The following MNAT1 variants were observed in gnomAD, a reference collection of about 807,000 sequenced individuals.
The protein encoded by MNAT1 is MNAT1 component of CDK activating kinase.
In MNAT1, 43 loss-of-function variants were observed where a neutral mutation model predicts 42.0. The ratio of observed to expected loss-of-function variants is 1.02; its 90% CI spans 0.80 to 1.32. MNAT1 has a LOEUF of 1.32. Ranked by LOEUF, MNAT1 falls within the 40% of genes most tolerant of loss-of-function variation. The pLI is 0.00. For synonymous variants in MNAT1, 118 were observed against 120.0 expected (o/e 0.98, Z 0.11); for missense variants, 306 against 350.4 (o/e 0.87, Z 1.01).
At chr14:60,741,106 T>G (rs1216115781) in intron 1 of MNAT1, among the ~76,000 whole-genome samples, 2 of 152,224 alleles carry the variant, frequency 1.3e-5, no homozygotes, top group Non-Finnish European at 2.9e-5. Flanking sequence ...AATGGCCCTC[T>G]TTGTCTCTTG....
At chr14:60,925,089 A>T (rs1196639028) in intron 7 of MNAT1, among the ~76,000 whole-genome samples, 1 of 152,170 alleles carries the variant, frequency 6.6e-6, no homozygotes, top group African/African-American at 2.4e-5. Flanking sequence ...ATTTGGGGAG[A>T]AAAACAATAG....
chr14:60,770,511 A>G (rs2031010657), intron 1 of MNAT1, among the ~76,000 whole-genome samples: 1 of 152,178 alleles, frequency 6.6e-6, no homozygotes, highest in African/African-American at 2.4e-5. Context: ...GTTTTCCATA[A>G]TGATTGCACC....
At chr14:60,806,007 A>G (rs1432374203) in intron 3 of MNAT1, among the ~76,000 whole-genome samples, 2 of 152,344 alleles carry the variant, frequency 1.3e-5, no homozygotes, top group East Asian at 3.9e-4. Flanking sequence ...AAGGAATGAG[A>G]GTCCCTGTTG....
At chr14:60,782,413 A>AT (rs545191084) in intron 1 of MNAT1, among the ~76,000 whole-genome samples, 34 of 151,746 alleles carry the variant, frequency 2.2e-4, no homozygotes, top group African/African-American at 7.5e-4. Flanking sequence ...TGATACCTTT[A>AT]TTTTTTTTGT....
chr14:60,759,556 C>T (rs1422728425), intron 1 of MNAT1, among the ~76,000 whole-genome samples: 16 of 152,130 alleles, frequency 1.1e-4, no homozygotes, highest in Non-Finnish European at 7.4e-5. Context: ...TGATGAGTAG[C>T]CATCATTAAC....
At chr14:60,818,377 C>T (rs1035137743) in intron 5 of MNAT1, among the ~76,000 whole-genome samples, 6 of 151,940 alleles carry the variant, frequency 3.9e-5, no homozygotes, top group East Asian at 1.9e-4. Context: ...AAAAAGAATG[C>T]GTCTTAGATA....
intron 4 of MNAT1, 67 bp from the exon 5 acceptor site, chr14:60,811,920 G>C (rs2032556912): frequency 1.6e-5 from 19 of 1,200,854 alleles, no homozygotes; most frequent in Non-Finnish European, 2.2e-5. Flanking sequence ...GAAAGTATTA[G>C]AGTGTGGTAT....
At chr14:60,828,134 G>T (rs1259938139) in intron 6 of MNAT1, among the ~76,000 whole-genome samples, 1 of 152,028 alleles carries the variant, frequency 6.6e-6, no homozygotes, top group African/African-American at 2.4e-5. Flanking sequence ...TATATTATTA[G>T]AAGTTTGAAT....
chr14:60,740,848 A>G lies in MNAT1; in HGVS notation c.89+5897A>G, dbSNP rs1451095532. Among the ~76,000 whole-genome samples the G allele has an allele frequency of 6.6e-6, 1 of 152,192 alleles. No individual in the cohort carries two copies. Among genetic ancestry groups the G allele is most frequent in the Non-Finnish European group, 1.5e-5 (1 of 68,028 alleles). On this transcript the variant is annotated intron_variant, in intron 1 of 7. Coordinates refer to ENST00000261245, the MANE Select transcript of MNAT1 (RefSeq NM_002431.4). The surrounding 1 kb of genome is among the most constrained non-coding windows in gnomAD (Gnocchi z 4.1). ...TATACATTCTGTGGTTGTTGGGTGT[A>G]GTGTAGTATAAGTTATAAACGTGGT...
At chr14:60,872,089 G>T (rs1436064176) in intron 6 of MNAT1, among the ~76,000 whole-genome samples, 2 of 152,106 alleles carry the variant, frequency 1.3e-5, no homozygotes, top group African/African-American at 2.4e-5. Context: ...AATTCATTAA[G>T]GAAAGATGTT....
intron 7 of MNAT1, among the ~76,000 whole-genome samples, chr14:60,915,152 A>T (rs948810731): frequency 2.6e-5 from 4 of 152,066 alleles, no homozygotes; most frequent in Admixed American, 2.6e-4. Context: ...CCCAGCTTCT[A>T]AATCTTAGCT....
intron 1 of MNAT1, among the ~76,000 whole-genome samples, chr14:60,768,813 C>A (rs1272573712): frequency 6.6e-6 from 1 of 152,166 alleles, no homozygotes; most frequent in Non-Finnish European, 1.5e-5. Flanking sequence ...TGATGACAAA[C>A]CTTTGCTTCT....
At chr14:60,896,941 A>G (rs1159424874) in intron 7 of MNAT1, among the ~76,000 whole-genome samples, 2 of 152,128 alleles carry the variant, frequency 1.3e-5, no homozygotes, top group Non-Finnish European at 2.9e-5. Context: ...ACTCCAGCAG[A>G]TAAAGATAAT....
intron 6 of MNAT1, among the ~76,000 whole-genome samples, chr14:60,824,406 T>C (rs137941185): frequency 1.6e-4 from 24 of 152,290 alleles, no homozygotes; most frequent in African/African-American, 5.1e-4. Context: ...TTTTATATGA[T>C]TGTGGCTATG....
At chr14:60,889,565 C>G (rs532078516) in intron 7 of MNAT1, among the ~76,000 whole-genome samples, 9 of 151,578 alleles carry the variant, frequency 5.9e-5, no homozygotes, top group Admixed American at 2.0e-4. Context: ...TCTAAAACAC[C>G]AAAAAAAATG....
At chr14:60,945,379 A>G (rs1677634651) in intron 7 of MNAT1, among the ~76,000 whole-genome samples, 1 of 152,094 alleles carries the variant, frequency 6.6e-6, no homozygotes, top group Admixed American at 6.5e-5. Context: ...GCATCTTTAT[A>G]TAAAGGAATT....
At chr14:60,757,934 T>C (rs1322578986) in intron 1 of MNAT1, among the ~76,000 whole-genome samples, 2 of 152,170 alleles carry the variant, frequency 1.3e-5, no homozygotes, top group Admixed American at 1.3e-4. Flanking sequence ...GTATGGAAGA[T>C]AGACAAACAA....
chr14:60,843,887 A>G (rs4899020), intron 6 of MNAT1, among the ~76,000 whole-genome samples: 141,224 of 152,176 alleles, frequency 0.93, 66,000 homozygotes, highest in Non-Finnish European at 0.99. Context: ...CACAACGATA[A>G]TTCTCCTGTT....
chr14:60,906,563 T>C (rs1449010467), intron 7 of MNAT1, among the ~76,000 whole-genome samples: 1 of 152,144 alleles, frequency 6.6e-6, no homozygotes, highest in Non-Finnish European at 1.5e-5. Context: ...AAATAATTTT[T>C]GATGGATTGG....
Sources: gnomAD v4.1 joint callset for allele counts (sites outside exome capture counted in the v4.1 genomes callset) on GRCh38, gnomAD v4.1.1 for gene constraint, Gnocchi (gnomAD v3.1) non-coding constraint, MANE v1.5 for transcripts, NCBI Gene and HGNC (gene_info 2026-07-23, HGNC 2026-07-21) for gene names.